Variants in DMXL1 observed in about 807,000 individuals in gnomAD.
DMXL1 encodes dmX-like protein 1.
Under a neutral mutation model 319.2 loss-of-function variants are expected in DMXL1, and 99 were observed. That is an observed-to-expected ratio of 0.31 (90% CI 0.26 to 0.37). The LOEUF is 0.37. Ranked by LOEUF, DMXL1 falls within the 10% of genes least tolerant of loss-of-function variation. The probability of loss-of-function intolerance (pLI) is 1.00; values close to 1 mark genes in which losing one functional copy is unlikely to be tolerated. For synonymous variants in DMXL1, 1,385 were observed against 1,235.2 expected (o/e 1.12, Z -2.54); for missense variants, 3,745 against 3,595.6 (o/e 1.04, Z -1.06).
At chr5:119,079,876 A>G (rs773941806) in intron 1 of DMXL1, among the ~76,000 whole-genome samples, 3 of 152,106 alleles carry the variant, frequency 2.0e-5, no homozygotes, top group Non-Finnish European at 4.4e-5. Flanking sequence ...TCTTTGCAAG[A>G]TATCTTTCTT....
intron 19 of DMXL1, among the ~76,000 whole-genome samples, chr5:119,161,212 G>A (rs911318640): frequency 1.3e-5 from 2 of 152,182 alleles, no homozygotes; most frequent in Admixed American, 1.3e-4. Flanking sequence ...CTGCCTTTAG[G>A]TTCTGAGGTT....
At chr5:119,073,580 TCTG>T (rs1410883771) in intron 1 of DMXL1, among the ~76,000 whole-genome samples, 5 of 152,206 alleles carry the variant, frequency 3.3e-5, no homozygotes, top group Non-Finnish European at 7.3e-5. Flanking sequence ...GTTGCTCAGT[TCTG>T]CTGAATTTTA....
intron 28 of DMXL1, among the ~76,000 whole-genome samples, chr5:119,183,337 A>G (rs774322322): frequency 6.6e-6 from 1 of 152,262 alleles, no homozygotes; most frequent in Non-Finnish European, 1.5e-5. Context: ...AGACTTGAGC[A>G]TATTAAAATA....
chr5:119,233,291 C>A, intron 38 of DMXL1, 49 bp from the exon 39 acceptor site: 1 of 1,574,362 alleles, frequency 6.4e-7, no homozygotes, highest in Non-Finnish European at 8.6e-7. Context: ...ATAACTTTTC[C>A]CAAAGATTCT....
At chr5:119,131,679 T>C (rs146230104) in intron 10 of DMXL1, among the ~76,000 whole-genome samples, 1 of 152,332 alleles carries the variant, frequency 6.6e-6, no homozygotes, top group African/African-American at 2.4e-5. Flanking sequence ...ACATCTGCAT[T>C]GAGAAGCCAG....
intron 28 of DMXL1, among the ~76,000 whole-genome samples, chr5:119,184,766 C>T (rs1331001332): frequency 6.6e-6 from 1 of 152,110 alleles, no homozygotes; most frequent in East Asian, 1.9e-4. Flanking sequence ...GCTTATTTCA[C>T]CTAGTGTAAT....
intron 2 of DMXL1, among the ~76,000 whole-genome samples, chr5:119,101,228 C>G (rs1757205754): frequency 6.6e-6 from 1 of 152,164 alleles, no homozygotes; most frequent in Admixed American, 6.5e-5. Context: ...ATTCAGAAGC[C>G]TTAAAATATC....
At chr5:119,093,153 G>A (rs934435653) in intron 1 of DMXL1, among the ~76,000 whole-genome samples, 4 of 151,548 alleles carry the variant, frequency 2.6e-5, no homozygotes, top group Admixed American at 6.6e-5. Context: ...TCTCTGTGTC[G>A]CATTTTGGTA....
chr5:119,187,040 G>A (rs986744667), intron 28 of DMXL1, among the ~76,000 whole-genome samples: 9 of 151,814 alleles, frequency 5.9e-5, no homozygotes, highest in African/African-American at 1.2e-4. Flanking sequence ...AAACCTGCAC[G>A]TTGTGCACAT....
intron 9 of DMXL1, chr5:119,128,582 C>T (rs1764113684): frequency 6.5e-6 from 1 of 154,682 alleles, no homozygotes; most frequent in Non-Finnish European, 1.4e-5. Flanking sequence ...AAGAATGAAC[C>T]CTAAGGTAAA....
At chr5:119,178,348 A>T in intron 28 of DMXL1, 104 bp downstream of exon 28, 1 of 1,314,320 alleles carries the variant, frequency 7.6e-7, no homozygotes, top group Non-Finnish European at 1.0e-6. Flanking sequence ...TTCTGGTTAG[A>T]GACCATTTGC....
intron 1 of DMXL1, among the ~76,000 whole-genome samples, chr5:119,082,815 C>T (rs1400025151): frequency 6.6e-6 from 1 of 152,198 alleles, no homozygotes; most frequent in Non-Finnish European, 1.5e-5. Flanking sequence ...GGTCTTATGA[C>T]TTCCATCAAA....
intron 1 of DMXL1, among the ~76,000 whole-genome samples, chr5:119,087,138 A>G (rs1046059885): frequency 6.7e-6 from 1 of 150,342 alleles, no homozygotes; most frequent in African/African-American, 2.5e-5. Context: ...GTTTCATTTC[A>G]TTGATCTTTT....
At chr5:119,243,834 T>G (rs1255241277) in intron 42 of DMXL1, among the ~76,000 whole-genome samples, 3 of 152,214 alleles carry the variant, frequency 2.0e-5, no homozygotes, top group African/African-American at 7.2e-5. Context: ...ATTTTCTGCT[T>G]TATCACATTC....
rs138270619 is a variant in DMXL1 at position 119,203,429 on chromosome 5, T to G, written c.7856T>G (p.Leu2619Arg). 34 of 1,582,362 alleles carry G rather than the reference T, an allele frequency of 2.1e-5. 1 individual carries two copies. In the South Asian group the frequency reaches 3.6e-4, roughly 17 times the overall value. Residue 2619 changes from leucine (L) to arginine (R), a missense_variant, in exon 33 of 44, where the codon CTA becomes CGA. By Grantham distance (102) the Leu-to-Arg change is moderately radical. Around this residue, in one of 4 missense-constraint regions of DMXL1, gnomAD observed 1,382 missense variants for 1,269.5 expected, o/e 1.09. Coordinates refer to ENST00000539542, the MANE Select transcript of DMXL1 (RefSeq NM_001290321.3). The stretch of plus-strand genomic sequence containing the variant: ...AATATATTCACAAAGAAACGGTGTC[T>G]AAATGAGGTCTGTATAAGTTAAAAC... ...IKNIFTKKRC[L>R]NESLEDNSET... is the part of the protein sequence containing the mutation.
At chr5:119,114,781 G>A (rs1580780918) in intron 6 of DMXL1, among the ~76,000 whole-genome samples, 1 of 152,134 alleles carries the variant, frequency 6.6e-6, no homozygotes, top group African/African-American at 2.4e-5. Flanking sequence ...CGATTCTCCT[G>A]CCTCAGCCTC....
intron 2 of DMXL1, chr5:119,100,797 T>A (rs1757090586): frequency 9.4e-6 from 1 of 106,284 alleles, no homozygotes; most frequent in Non-Finnish European, 1.9e-5. Flanking sequence ...TTTTTTTTTT[T>A]GAGACGGAGT....
At chr5:119,230,015 A>G (rs147944242) in intron 38 of DMXL1, among the ~76,000 whole-genome samples, 133 of 152,298 alleles carry the variant, frequency 8.7e-4, no homozygotes, top group Non-Finnish European at 1.6e-3. Flanking sequence ...TAGATATTCA[A>G]TTAATATCCA....
chr5:119,211,790 A>G lies in DMXL1; in HGVS notation c.7926+4894A>G, dbSNP rs140184498. Reference sequence around the variant, plus strand: ...TAGGTTTTAGTAAATGAAAATCACTACTGACTACCCAGGGTCTCAGTCACT... The same window carrying G: ...TAGGTTTTAGTAAATGAAAATCACTGCTGACTACCCAGGGTCTCAGTCACT... On this transcript the variant is annotated intron_variant, in intron 34 of 43. Transcript: ENST00000539542. Among the ~76,000 whole-genome samples, 650 of 152,314 alleles carry G rather than the reference A, an allele frequency of 4.3e-3. 12 individuals are homozygous for G. The highest frequency in any genetic ancestry group is 0.035 in the South Asian group (168 of 4,828).
Sources: allele counts gnomAD v4.1 joint callset (sites outside exome capture counted in the v4.1 genomes callset), GRCh38; gene constraint gnomAD v4.1.1; regional missense constraint gnomAD v4.1.1; transcripts MANE v1.5; gene names NCBI Gene and HGNC (gene_info 2026-07-23, HGNC 2026-07-21).